The following GLMN variants were observed in gnomAD, a reference collection of about 807,000 sequenced individuals.
The protein encoded by GLMN is glomulin.
In GLMN, 75 loss-of-function variants were observed where a neutral mutation model predicts 87.8. The observed-to-expected ratio is 0.85, with a 90% CI of 0.71 to 1.04. The LOEUF is 1.04. Ranked by LOEUF, GLMN falls within the 50% of genes least tolerant of loss-of-function variation. The pLI, the probability that GLMN is intolerant of heterozygous loss-of-function variation, is 0.00. For synonymous variants in GLMN, 206 were observed against 221.6 expected, an observed-to-expected ratio of 0.93 and a Z score of 0.63; for missense variants, 588 against 658.8, an observed-to-expected ratio of 0.89 and a Z score of 1.18.
chr1:92,272,917 G>A (rs779951827), intron 7 of GLMN, among the ~76,000 whole-genome samples: 1 of 152,120 alleles, frequency 6.6e-6, no homozygotes, highest in Non-Finnish European at 1.5e-5. Context: ...GTGTGACACT[G>A]GATGAGCCAT....
At chr1:92,324,360 A>G in the GLMN span, 1 of 1,612,990 alleles carries the variant, frequency 6.2e-7, no homozygotes, top group Admixed American at 1.7e-5. Context: ...CCACCAAATC[A>G]CAAGACTCAG....
the GLMN span, among the ~76,000 whole-genome samples, chr1:92,369,977 A>C: frequency 7.5e-4 from 114 of 152,142 alleles, no homozygotes; most frequent in Non-Finnish European, 1.3e-3. Context: ...CCCCACCTCC[A>C]GGGTTCAAGT....
chr1:92,333,103 T>C, the GLMN span: 1 of 322,844 alleles, frequency 3.1e-6, no homozygotes, highest in Non-Finnish European at 5.7e-6. Flanking sequence ...ACTTAGCAGT[T>C]TACAAAATCT....
chr1:92,306,792 C>T, the GLMN span, among the ~76,000 whole-genome samples: 3 of 151,664 alleles, frequency 2.0e-5, no homozygotes, highest in Admixed American at 1.3e-4. Flanking sequence ...TGAGTGAGAC[C>T]CTGTCCCTAA....
intron 7 of GLMN, among the ~76,000 whole-genome samples, chr1:92,281,249 A>G (rs1422745949): frequency 6.6e-6 from 1 of 152,242 alleles, no homozygotes; most frequent in Non-Finnish European, 1.5e-5. Flanking sequence ...AAGGAAGCCC[A>G]TCAGACTAAC....
chr1:92,326,700 C>T, the GLMN span, among the ~76,000 whole-genome samples: 1 of 152,152 alleles, frequency 6.6e-6, no homozygotes, highest in South Asian at 2.1e-4. Flanking sequence ...ATTATGGCTG[C>T]CTCTGCTGTG....
the GLMN span, among the ~76,000 whole-genome samples, chr1:92,331,424 CTT>C: frequency 6.6e-6 from 1 of 152,144 alleles, no homozygotes; most frequent in Non-Finnish European, 1.5e-5. Flanking sequence ...CCTTTTCTCT[CTT>C]GCTTTCTTTT....
At chr1:92,354,890 A>AATTATTATTATT in the GLMN span, among the ~76,000 whole-genome samples, 54 of 147,686 alleles carry the variant, frequency 3.7e-4, no homozygotes, top group South Asian at 4.3e-3. Context: ...AATTTATGTA[A>AATTATTATTATT]ATTATTATTA....
At chr1:92,269,596 C>T (rs567107685) in intron 9 of GLMN, 127 bp downstream of exon 9, 3 of 701,022 alleles carry the variant, frequency 4.3e-6, no homozygotes, top group South Asian at 1.6e-5. Flanking sequence ...TTATTTGCCT[C>T]GCTGTTTTAT....
the GLMN span, among the ~76,000 whole-genome samples, chr1:92,337,996 T>C: frequency 2.6e-5 from 4 of 152,214 alleles, no homozygotes; most frequent in African/African-American, 9.6e-5. Flanking sequence ...GTGTATTCAA[T>C]GTTTGTATTA....
chr1:92,300,562 C>G (rs1048262713), upstream of GLMN, among the ~76,000 whole-genome samples: 10 of 152,210 alleles, frequency 6.6e-5, no homozygotes, highest in Non-Finnish European at 1.3e-4. Flanking sequence ...TTCGCTGTCA[C>G]TCCAAGAAAC....
Position 92,291,552 on chromosome 1 carries a change from T to C in GLMN, c.166-15A>G. On this transcript the variant is annotated splice_polypyrimidine_tract_variant and intron_variant, in intron 3 of 18. Transcript: ENST00000370360. ...TTGATGATGACCTGTAAAAACATTT[T>C]CAGAGTAAAGCAAACACTGCCATCT... 6.2e-7 allele frequency: 1 copy of C among 1,613,460 alleles called. No homozygotes were observed. Among genetic ancestry groups the C allele is most frequent in the Non-Finnish European group, 8.5e-7 (1 of 1,179,452 alleles).
the GLMN span, among the ~76,000 whole-genome samples, chr1:92,364,213 C>G: frequency 1.3e-5 from 2 of 152,164 alleles, no homozygotes; most frequent in Admixed American, 6.5e-5. Flanking sequence ...CCCCATATCT[C>G]CATACCACCA....
chr1:92,368,639 ATC>A, the GLMN span, among the ~76,000 whole-genome samples: 2 of 152,224 alleles, frequency 1.3e-5, no homozygotes, highest in Non-Finnish European at 2.9e-5. Context: ...TTAATTAAAA[ATC>A]TCTCTCTTGA....
At chr1:92,364,248 G>C in the GLMN span, among the ~76,000 whole-genome samples, 1 of 152,100 alleles carries the variant, frequency 6.6e-6, no homozygotes, top group Non-Finnish European at 1.5e-5. Context: ...TCTATTATAG[G>C]TATGGAGAAA....
At chr1:92,370,707 A>G in the GLMN span, among the ~76,000 whole-genome samples, 1 of 152,100 alleles carries the variant, frequency 6.6e-6, no homozygotes, top group Non-Finnish European at 1.5e-5. Flanking sequence ...GAGACTTTAA[A>G]AAAAAACACG....
At chr1:92,287,484 GCA>G (rs1363224445) in intron 6 of GLMN, among the ~76,000 whole-genome samples, 1 of 149,420 alleles carries the variant, frequency 6.7e-6, no homozygotes, top group Non-Finnish European at 1.5e-5. Context: ...GGGACTACAG[GCA>G]CACACCACTG....
chr1:92,319,259 T>C, the GLMN span, among the ~76,000 whole-genome samples: 11 of 152,208 alleles, frequency 7.2e-5, no homozygotes, highest in African/African-American at 2.7e-4. Context: ...TAACACATAT[T>C]GTCTTGAATA....
the GLMN span, among the ~76,000 whole-genome samples, chr1:92,351,538 A>G: frequency 1.3e-5 from 2 of 152,122 alleles, no homozygotes; most frequent in South Asian, 4.1e-4. Context: ...GCCATAGGAC[A>G]CATCGCTCAG....
Sources: allele counts gnomAD v4.1 joint callset (sites outside exome capture counted in the v4.1 genomes callset), GRCh38; gene constraint gnomAD v4.1.1; transcripts MANE v1.5; gene names NCBI Gene and HGNC (gene_info 2026-07-23, HGNC 2026-07-21).